The following RIGI variants were observed in gnomAD, a reference collection of about 807,000 sequenced individuals.
RIGI encodes the protein antiviral innate immune response receptor RIG-I.
the RIGI span, chr9:32,477,206 G>A: frequency 8.5e-6 from 13 of 1,527,980 alleles, no homozygotes; most frequent in East Asian, 6.8e-5. Flanking sequence ...TTTAGCTATC[G>A]TTCAAACAGC....
chr9:32,521,398 G>A, the RIGI span, among the ~76,000 whole-genome samples: 4 of 152,048 alleles, frequency 2.6e-5, no homozygotes, highest in Non-Finnish European at 5.9e-5. Flanking sequence ...GTCTTTATTA[G>A]GCCTTATTGT....
At chr9:32,469,263 A>C in the RIGI span, among the ~76,000 whole-genome samples, 2 of 152,228 alleles carry the variant, frequency 1.3e-5, no homozygotes, top group African/African-American at 4.8e-5. Flanking sequence ...CCTGCCCCTG[A>C]GATCGTGAGG....
the RIGI span, among the ~76,000 whole-genome samples, chr9:32,518,752 C>A: frequency 1.3e-5 from 2 of 152,350 alleles, no homozygotes; most frequent in East Asian, 3.9e-4. Flanking sequence ...CACCTACATG[C>A]TTGCATTGCT....
chr9:32,513,268 T>C, the RIGI span, among the ~76,000 whole-genome samples: 1 of 151,938 alleles, frequency 6.6e-6, no homozygotes, highest in Non-Finnish European at 1.5e-5. Flanking sequence ...GCCAAGACAA[T>C]CCTAAGCAAA....
At chr9:32,460,382 T>C in the RIGI span, among the ~76,000 whole-genome samples, 1 of 152,168 alleles carries the variant, frequency 6.6e-6, no homozygotes, top group Non-Finnish European at 1.5e-5. Flanking sequence ...TGTATTCTAA[T>C]TCAAAATCTA....
At chr9:32,480,184 C>G in the RIGI span, 5 of 1,570,492 alleles carry the variant, frequency 3.2e-6, no homozygotes, top group Non-Finnish European at 4.4e-6. Flanking sequence ...ACCAAGAATG[C>G]TACTGTGGCT....
chr9:32,458,937 T>C, the RIGI span, among the ~76,000 whole-genome samples: 1 of 144,864 alleles, frequency 6.9e-6, no homozygotes, highest in South Asian at 2.2e-4. Flanking sequence ...TCACCCAGGC[T>C]GGAGCGCAGT....
At chr9:32,477,529 A>C in the RIGI span, among the ~76,000 whole-genome samples, 1 of 152,214 alleles carries the variant, frequency 6.6e-6, no homozygotes, top group Non-Finnish European at 1.5e-5. Flanking sequence ...GGCTGTGAAA[A>C]TTAATAAGGG....
chr9:32,457,263 G>C, the RIGI span: 1 of 1,614,114 alleles, frequency 6.2e-7, no homozygotes. Context: ...CAAATGTCTT[G>C]TACTTCACAT....
chr9:32,485,961 C>G, the RIGI span, among the ~76,000 whole-genome samples: 1 of 152,186 alleles, frequency 6.6e-6, no homozygotes. Context: ...CCTCCCCACA[C>G]AGCTCCCAGC....
At chr9:32,490,579 T>C in the RIGI span, among the ~76,000 whole-genome samples, 1 of 152,214 alleles carries the variant, frequency 6.6e-6, no homozygotes, top group African/African-American at 2.4e-5. Context: ...TATGATGTTA[T>C]TCTAATATCA....
chr9:32,499,124 G>C, the RIGI span, among the ~76,000 whole-genome samples: 21 of 151,640 alleles, frequency 1.4e-4, no homozygotes, highest in African/African-American at 5.1e-4. Context: ...ATTCCTAATT[G>C]GGCTGAGAAT....
chr9:32,472,070 C>A, the RIGI span, among the ~76,000 whole-genome samples: 1 of 152,046 alleles, frequency 6.6e-6, no homozygotes, highest in Non-Finnish European at 1.5e-5. Context: ...CACCTAGGAT[C>A]CTCCCAGATA....
chr9:32,472,897 A>T, the RIGI span: 1 of 734,488 alleles, frequency 1.4e-6, no homozygotes, highest in Non-Finnish European at 2.0e-6. Flanking sequence ...ATATATATAC[A>T]CACACACATA....
chr9:32,488,124 T>C, the RIGI span: 10 of 1,614,124 alleles, frequency 6.2e-6, no homozygotes, highest in Non-Finnish European at 8.5e-6. Flanking sequence ...GGAGTTAAAA[T>C]GATGATGTCA....
chr9:32,523,610 A>G, the RIGI span, among the ~76,000 whole-genome samples: 1 of 151,982 alleles, frequency 6.6e-6, no homozygotes, highest in South Asian at 2.1e-4. Flanking sequence ...TGTGTCTTGA[A>G]TCCATCCATT....
the RIGI span, among the ~76,000 whole-genome samples, chr9:32,515,707 C>G: frequency 6.6e-6 from 1 of 152,178 alleles, no homozygotes; most frequent in African/African-American, 2.4e-5. Flanking sequence ...CATCTTATAC[C>G]TTTACCTTCA....
chr9:32,481,777 G>C, the RIGI span, among the ~76,000 whole-genome samples: 1 of 152,042 alleles, frequency 6.6e-6, no homozygotes, highest in South Asian at 2.1e-4. Context: ...GTAGAGACAG[G>C]GTTTCACCAT....
At chr9:32,465,772 G>A in the RIGI span, among the ~76,000 whole-genome samples, 100,219 of 152,004 alleles carry the variant, frequency 0.66, 33,746 homozygotes, top group Middle Eastern at 0.84. Context: ...GAGAAAGTAT[G>A]GGTATGTGTT....
Sources: allele counts gnomAD v4.1 joint callset (sites outside exome capture counted in the v4.1 genomes callset), GRCh38; gene constraint gnomAD v4.1.1; transcripts MANE v1.5; gene names NCBI Gene and HGNC (gene_info 2026-07-23, HGNC 2026-07-21).